The following OR6J1 variants were observed in gnomAD, a reference collection of about 807,000 sequenced individuals.
OR6J1 encodes olfactory receptor 6J1.
For synonymous variants in OR6J1, 109 were observed against 70.0 expected (o/e 1.56, Z -2.78); for missense variants, 304 against 166.8 (o/e 1.82, Z -4.53).
chr14:22,637,041 T>A (rs1416211876), intron 1 of OR6J1, among the ~76,000 whole-genome samples: 1 of 110,338 alleles, frequency 9.1e-6, no homozygotes, highest in South Asian at 2.6e-4. Flanking sequence ...ATGTCTGAGA[T>A]GTGGGGAGCA....
rs752000274 is a variant in OR6J1, at chr14:22,643,870, G to T, written c.-28+228C>A. Among the ~76,000 whole-genome samples, 4 of 151,678 alleles carry T rather than the reference G, an allele frequency of 2.6e-5. 1 individual carries two copies. Among genetic ancestry groups the T allele is most frequent in the Admixed American group, 6.6e-5 (1 of 15,194 alleles). On this transcript the variant is annotated intron_variant, in intron 1 of 1. Coordinates refer to ENST00000540461, the MANE Select transcript of OR6J1 (RefSeq NM_001348233.2). ...AAGAATAGTATGGAGGATGAATTTG[G>T]ACTTGGTCACCAAATCTGGAAATGG...
rs1392460486 is a variant in OR6J1 at position 22,633,102 on chromosome 14, C to T, written c.*666G>A. On this transcript the variant is annotated 3_prime_UTR_variant, in exon 2 of 2. Coordinates refer to ENST00000540461, the MANE Select transcript of OR6J1 (RefSeq NM_001348233.2). ...CAGCCAAGCCACACAGGTCATAGGT[C>T]ACTGGCCAGTCTCTTAGGTGTGCAA... The T allele has an allele frequency of 2.0e-5, 3 of 152,446 alleles. No homozygotes were observed. The allele number at this position is 152,446 out of a possible 1,614,324, so 9.4% of individuals were successfully genotyped here. A position where few individuals can be genotyped will look rare whatever the true frequency, so the allele number is the denominator to read the frequency against.
chr14:22,633,693 A>G lies in OR6J1; in HGVS notation c.*75T>C, dbSNP rs1181676952. On this transcript the variant is annotated 3_prime_UTR_variant, in exon 2 of 2. Transcript: ENST00000540461. ...CCAGCGTTCAAGTCTCTGTCTCCGC[A>G]GTCAGTCTTTCCACTATAGACTATT... 1.7e-6 allele frequency: 1 copy of G among 603,368 alleles called. No individual in the cohort carries two copies. The allele number at this position is 603,368 out of a possible 1,614,324, so 37.4% of individuals were successfully genotyped here. A position where few individuals can be genotyped will look rare whatever the true frequency, so the allele number is the denominator to read the frequency against.
rs2037645436 is a variant in OR6J1 at position 22,641,253 on chromosome 14, GAAA to G, written c.-28+2842_-28+2844del. Among the ~76,000 whole-genome samples the G allele has an allele frequency of 1.5e-4, 16 of 109,376 alleles. 1 individual carries two copies. The highest frequency in any genetic ancestry group is 6.4e-4 in the South Asian group (2 of 3,114). The allele number at this position is 109,376 out of a possible 152,430, so 71.8% of individuals were successfully genotyped here. Reference sequence around the variant, plus strand: ...AGAAAGAAAGAAAGAAAGAAAGAAAGAAAGAAAGAAAGAAAGGAAGGAAGGAAG... The same window carrying G: ...AGAAAGAAAGAAAGAAAGAAAGAAAGGAAAGAAAGAAAGGAAGGAAGGAAG... On this transcript the variant is annotated intron_variant, in intron 1 of 1. Coordinates refer to ENST00000540461, the MANE Select transcript of OR6J1 (RefSeq NM_001348233.2).
rs2139290053 is a variant in OR6J1, at chr14:22,633,332, A to ATG, written c.*435_*436insCA. The ATG allele has an allele frequency of 1.5e-5, 2 of 134,604 alleles. No homozygotes were observed. The highest frequency in any genetic ancestry group is 2.0e-4 in the South Asian group (1 of 4,936). The allele number at this position is 134,604 out of a possible 1,614,324, so 8.3% of individuals were successfully genotyped here. A position where few individuals can be genotyped will look rare whatever the true frequency, so the allele number is the denominator to read the frequency against. Reference sequence around the variant, plus strand: ...CAATCATTGCAAATGCCCGAAAAAAAAATGGATATGATAGTGGATTAGAGA... The same window carrying ATG: ...CAATCATTGCAAATGCCCGAAAAAAATGAATGGATATGATAGTGGATTAGAGA... On this transcript the variant is annotated 3_prime_UTR_variant, in exon 2 of 2. Transcript: ENST00000540461.
At chr14:22,638,506 C>G (rs1248925961) in intron 1 of OR6J1, among the ~76,000 whole-genome samples, 3 of 91,830 alleles carry the variant, frequency 3.3e-5, no homozygotes, top group Non-Finnish European at 2.0e-5. Flanking sequence ...CCCAGGGACA[C>G]AAACACTGCG....
chr14:22,634,331 G>A lies in OR6J1; in HGVS notation c.481C>T (p.Leu161Phe), dbSNP rs1465798143. The change falls in exon 2 of 2, where the codon CTC becomes TTC. Residue 161 changes from leucine (L) to phenylalanine (F), a missense_variant. Leu to Phe is a conservative substitution (Grantham distance 22). Coordinates refer to ENST00000540461, the MANE Select transcript of OR6J1 (RefSeq NM_001348233.2). ...CCACAGAAGGGCAGCTGGGAGATGA[G>A]GATGGTTGGAAAGAGCACAGACAGG... ...GFLSVLFPTI[L>F]ISQLPFCGSN... 2.8e-6 allele frequency: 2 copies of A among 703,234 alleles called. No individual in the cohort carries two copies. Among genetic ancestry groups the A allele is most frequent in the Non-Finnish European group, 5.2e-6 (2 of 384,998 alleles). 43.6% of individuals were successfully genotyped at this position (703,234 alleles called of 1,614,324 possible).
chr14:22,639,585 CG>C (rs2037626920), intron 1 of OR6J1, among the ~76,000 whole-genome samples: 1 of 127,572 alleles, frequency 7.8e-6, no homozygotes, highest in Non-Finnish European at 1.6e-5. Context: ...GGATGGTTGC[CG>C]TGTCTGTGTA....
At chr14:22,639,428 C>T (rs2037625300) in intron 1 of OR6J1, among the ~76,000 whole-genome samples, 1 of 133,284 alleles carries the variant, frequency 7.5e-6, no homozygotes, top group African/African-American at 3.3e-5. Context: ...TGCCCGGCCG[C>T]CCCTACTGGG....
In OR6J1 at chr14:22,644,275, T is replaced by G. The variant is rs35137509; in HGVS notation, c.-205A>C. 2.6e-5 allele frequency: 4 copies of G among 152,120 alleles called. No individual in the cohort carries two copies. The highest frequency in any genetic ancestry group is 5.9e-5 in the Non-Finnish European group (4 of 68,046). The allele number at this position is 152,120 out of a possible 1,614,324, so 9.4% of individuals were successfully genotyped here. ...TTCCCAACTCATGTGGATTGTTGCC[T>G]TAGCTGTGACCTCTTGTCCGACGAG... is the stretch of plus-strand genomic sequence containing the variant. On this transcript the variant is annotated 5_prime_UTR_variant, in exon 1 of 2. Coordinates refer to ENST00000540461, the MANE Select transcript of OR6J1 (RefSeq NM_001348233.2).
At position 22,638,675 on chromosome 14, in the gene OR6J1, TAAA is replaced by T. The variant is rs1275508090; in HGVS notation, c.-27-3840_-27-3838del. Among the ~76,000 whole-genome samples the T allele has an allele frequency of 3.6e-4, 12 of 32,930 alleles. 2 individuals are homozygous for T. The highest frequency in any genetic ancestry group is 1.0e-3 in the Admixed American group (4 of 3,852). 21.6% of individuals were successfully genotyped at this position (32,930 alleles called of 152,430 possible). A position where few individuals can be genotyped will look rare whatever the true frequency, so the allele number is the denominator to read the frequency against. On this transcript the variant is annotated intron_variant, in intron 1 of 1. Transcript: ENST00000540461. ...AAAAAAAATAAAAATAAAAAAAAAA[TAAA>T]AAAAATTAAGACACTAGCAAGATAC...
chr14:22,643,764 CAGAGAGAGAGAGAG>C (rs1233027589), intron 1 of OR6J1, among the ~76,000 whole-genome samples: 1 of 37,650 alleles, frequency 2.7e-5, no homozygotes, highest in African/African-American at 8.2e-5. Context: ...CACACACACA[CAGAGAGAGAGAGAG>C]AGAGAGAGAG....
chr14:22,637,023 G>A (rs1345163567), intron 1 of OR6J1, among the ~76,000 whole-genome samples: 15 of 125,204 alleles, frequency 1.2e-4, no homozygotes, highest in Non-Finnish European at 4.8e-5. Flanking sequence ...GTCTCTGCCC[G>A]GCCGCCCATG....
Position 22,632,117 on chromosome 14 carries a change from A to G in OR6J1, c.*1651T>C, listed in dbSNP as rs2139289213. The G allele has an allele frequency of 6.6e-6, 1 of 152,430 alleles. No homozygotes were observed. The highest frequency in any genetic ancestry group is 1.9e-4 in the East Asian group (1 of 5,188). 9.4% of individuals were successfully genotyped at this position (152,430 alleles called of 1,614,324 possible). Reference sequence around the variant, plus strand: ...AATTTAGCAAAGTGGATGCTGCAGCACTGGCGGCCAAGCAAGACAAGAAAT... The same window carrying G: ...AATTTAGCAAAGTGGATGCTGCAGCGCTGGCGGCCAAGCAAGACAAGAAAT... On this transcript the variant is annotated 3_prime_UTR_variant, in exon 2 of 2. Coordinates refer to ENST00000540461, the MANE Select transcript of OR6J1 (RefSeq NM_001348233.2).
chr14:22,636,516 T>G (rs1364702814), intron 1 of OR6J1, among the ~76,000 whole-genome samples: 1 of 106,166 alleles, frequency 9.4e-6, no homozygotes, highest in African/African-American at 5.6e-5. Flanking sequence ...CCCTGCCTGA[T>G]TCTCCTGCCT....
In OR6J1 at chr14:22,639,995, T is replaced by A. The variant is rs1419916524; in HGVS notation, c.-28+4103A>T. Among the ~76,000 whole-genome samples, 505 of 108,092 alleles carry A rather than the reference T, an allele frequency of 4.7e-3. 83 individuals carry two copies. The highest frequency in any genetic ancestry group is 7.4e-3 in the Non-Finnish European group (344 of 46,686). 70.9% of individuals were successfully genotyped at this position (108,092 alleles called of 152,430 possible). A position where few individuals can be genotyped will look rare whatever the true frequency, so the allele number is the denominator to read the frequency against. ...AGAATTATCAATAAAAAAATAAATT[T>A]AAAAAAAAAAAAAATTTACACTGCT... On this transcript the variant is annotated intron_variant, in intron 1 of 1. Transcript: ENST00000540461.
rs140239594 is a variant in OR6J1, at chr14:22,630,950, C to T, written c.*2818G>A. ...GAGAGAAATTTTAAAGCTGGGCAGC[C>T]GGGGGAGACATCACATGTCACTAGG... On this transcript the variant is annotated 3_prime_UTR_variant, in exon 2 of 2. Coordinates refer to ENST00000540461, the MANE Select transcript of OR6J1 (RefSeq NM_001348233.2). 5 of 152,038 alleles carry T rather than the reference C, an allele frequency of 3.3e-5. No homozygotes were observed. The highest frequency in any genetic ancestry group is 1.3e-4 in the Admixed American group (2 of 15,266). The allele number at this position is 152,038 out of a possible 1,614,324, so 9.4% of individuals were successfully genotyped here.
In OR6J1 at chr14:22,637,090, C is replaced by T. The variant is rs1171712250; in HGVS notation, c.-27-2252G>A. On this transcript the variant is annotated intron_variant, in intron 1 of 1. Coordinates refer to ENST00000540461, the MANE Select transcript of OR6J1 (RefSeq NM_001348233.2). ...GCCCTGTCTGGGATGTGAGGAGCGC[C>T]TCTGCTGGCCGCAACCCTGTCTGAG... Among the ~76,000 whole-genome samples, 2 of 119,814 alleles carry T rather than the reference C, an allele frequency of 1.7e-5. 1 individual carries two copies. Among genetic ancestry groups the T allele is most frequent in the African/African-American group, 1.0e-4 (2 of 20,070 alleles). 78.6% of individuals were successfully genotyped at this position (119,814 alleles called of 152,430 possible).
chr14:22,637,700 C>T (rs1468974887), intron 1 of OR6J1, among the ~76,000 whole-genome samples: 2 of 79,422 alleles, frequency 2.5e-5, no homozygotes, highest in East Asian at 6.3e-4. Context: ...GTCAGCCCCC[C>T]GCCCGACCAG....
Sources: allele counts gnomAD v4.1 joint callset (sites outside exome capture counted in the v4.1 genomes callset), GRCh38; gene constraint gnomAD v4.1.1; transcripts MANE v1.5; gene names NCBI Gene and HGNC (gene_info 2026-07-23, HGNC 2026-07-21).